The following TPP2 variants were observed in gnomAD, a reference collection of about 807,000 sequenced individuals.
TPP2 encodes the protein tripeptidyl-peptidase 2.
In TPP2, 34 loss-of-function variants were observed where a neutral mutation model predicts 155.9. That is an observed-to-expected ratio of 0.22 (90% CI 0.17 to 0.29). The LOEUF (loss-of-function observed/expected upper bound fraction) is 0.29. Ranked by LOEUF, TPP2 falls within the 10% of genes least tolerant of loss-of-function variation. The pLI, the probability that TPP2 is intolerant of heterozygous loss-of-function variation, is 1.00. For synonymous variants in TPP2, 510 were observed against 529.4 expected, an observed-to-expected ratio of 0.96 and a Z score of 0.50; for missense variants, 1,028 against 1,522.3, an observed-to-expected ratio of 0.68 and a Z score of 5.40.
intron 24 of TPP2, 161 bp from the exon 25 acceptor site, chr13:102,656,895 A>C: frequency 1.8e-6 from 1 of 563,466 alleles, no homozygotes; most frequent in Non-Finnish European, 2.9e-6. Flanking sequence ...TACTGTGACC[A>C]GAGATTGGAA....
chr13:102,603,069 T>A (rs1879554777), intron 1 of TPP2, among the ~76,000 whole-genome samples: 2 of 152,168 alleles, frequency 1.3e-5, no homozygotes, highest in Non-Finnish European at 2.9e-5. Context: ...CAAAAATGTG[T>A]AAAAATATAT....
intron 24 of TPP2, among the ~76,000 whole-genome samples, chr13:102,652,984 G>A (rs973422740): frequency 6.6e-6 from 1 of 152,184 alleles, no homozygotes; most frequent in African/African-American, 2.4e-5. Context: ...GAAGGCCATA[G>A]CCAATTATTT....
At chr13:102,628,747 T>A (rs1881818410) in intron 8 of TPP2, among the ~76,000 whole-genome samples, 1 of 152,200 alleles carries the variant, frequency 6.6e-6, no homozygotes, top group South Asian at 2.1e-4. Context: ...ACGGTCCTCG[T>A]AACATGCACC....
chr13:102,623,702 G>A (rs1881339271), intron 6 of TPP2, among the ~76,000 whole-genome samples: 2 of 152,182 alleles, frequency 1.3e-5, no homozygotes, highest in Admixed American at 6.5e-5. Flanking sequence ...TTTCAAAAAA[G>A]TTGGAAACTA....
chr13:102,597,456 C>A (rs1051375300), intron 1 of TPP2, among the ~76,000 whole-genome samples: 1 of 152,150 alleles, frequency 6.6e-6, no homozygotes, highest in African/African-American at 2.4e-5. Context: ...GGCCGTGGTC[C>A]CCCCAGCTCA....
chr13:102,623,098 G>A (rs1391188834), intron 6 of TPP2, 58 bp downstream of exon 6: 37 of 1,530,694 alleles, frequency 2.4e-5, no homozygotes, highest in African/African-American at 5.6e-5. Flanking sequence ...AAAGTGGTAC[G>A]TTGCGATAGC....
chr13:102,677,256 A>G (rs1885328990), intron 29 of TPP2, among the ~76,000 whole-genome samples: 1 of 152,178 alleles, frequency 6.6e-6, no homozygotes, highest in Admixed American at 6.5e-5. Flanking sequence ...TGATATGTCT[A>G]ATGTGGTTCT....
At chr13:102,659,942 A>G (rs1216214700) in intron 25 of TPP2, among the ~76,000 whole-genome samples, 3 of 151,992 alleles carry the variant, frequency 2.0e-5, no homozygotes, top group African/African-American at 7.3e-5. Flanking sequence ...TATAGCACAA[A>G]GGAGCAAAAC....
chr13:102,671,788 C>T (rs1399457709), intron 27 of TPP2, among the ~76,000 whole-genome samples: 1 of 152,106 alleles, frequency 6.6e-6, no homozygotes, highest in African/African-American at 2.4e-5. Flanking sequence ...TGCCCGGTAA[C>T]AGCGGGGCTG....
intron 27 of TPP2, among the ~76,000 whole-genome samples, chr13:102,673,488 G>T (rs896174171): frequency 1.1e-4 from 16 of 152,344 alleles, no homozygotes; most frequent in African/African-American, 3.8e-4. Context: ...TTTCCCTGGA[G>T]TGTAGGTGGT....
At chr13:102,676,806 T>C (rs945660772) in intron 29 of TPP2, among the ~76,000 whole-genome samples, 4 of 152,218 alleles carry the variant, frequency 2.6e-5, no homozygotes, top group Non-Finnish European at 5.9e-5. Flanking sequence ...TTTGAGATGG[T>C]AGGCATTTTT....
intron 4 of TPP2, 136 bp from the exon 5 acceptor site, chr13:102,618,586 T>C (rs2139451057): frequency 8.9e-7 from 1 of 1,125,242 alleles, no homozygotes; most frequent in Non-Finnish European, 1.2e-6. Context: ...GTTGCATAGA[T>C]AGAACAAAAT....
intron 27 of TPP2, among the ~76,000 whole-genome samples, chr13:102,668,129 A>G (rs923936282): frequency 6.6e-6 from 1 of 152,192 alleles, no homozygotes; most frequent in African/African-American, 2.4e-5. Flanking sequence ...CAAATGATCA[A>G]AGGTTGGTTT....
At chr13:102,622,384 A>G (rs934789524) in intron 5 of TPP2, among the ~76,000 whole-genome samples, 2 of 152,252 alleles carry the variant, frequency 1.3e-5, no homozygotes, top group Non-Finnish European at 2.9e-5. Flanking sequence ...GAAGACAACC[A>G]TAAAGTAATG....
intron 2 of TPP2, among the ~76,000 whole-genome samples, chr13:102,606,381 G>A (rs1444128174): frequency 2.6e-5 from 4 of 152,154 alleles, no homozygotes; most frequent in Non-Finnish European, 5.9e-5. Context: ...CATGGGGTAG[G>A]AGTCCAGGCA....
At chr13:102,661,478 A>G (rs1361280222) in intron 25 of TPP2, among the ~76,000 whole-genome samples, 1 of 152,014 alleles carries the variant, frequency 6.6e-6, no homozygotes, top group African/African-American at 2.4e-5. Context: ...CCCGGCCTCA[A>G]TTAATCCTCC....
chr13:102,655,086 T>C (rs1883767994), intron 24 of TPP2: 1 of 467,734 alleles, frequency 2.1e-6, no homozygotes. Context: ...TGGATTTATA[T>C]GGTTATCTGA....
chr13:102,652,045 G>C (rs1883529215), intron 24 of TPP2, among the ~76,000 whole-genome samples: 1 of 151,972 alleles, frequency 6.6e-6, no homozygotes, highest in South Asian at 2.1e-4. Flanking sequence ...TTACTGCTGG[G>C]GCCAGATTTA....
At chr13:102,626,965 T>C in intron 6 of TPP2, 47 bp from the exon 7 acceptor site, 1 of 1,446,744 alleles carries the variant, frequency 6.9e-7, no homozygotes, top group Non-Finnish European at 9.1e-7. Flanking sequence ...GAATAAACTT[T>C]CAGTCCATGA....
Sources: gnomAD v4.1 joint callset for allele counts (sites outside exome capture counted in the v4.1 genomes callset) on GRCh38, gnomAD v4.1.1 for gene constraint, MANE v1.5 for transcripts, NCBI Gene and HGNC (gene_info 2026-07-23, HGNC 2026-07-21) for gene names.